GTF2IRD1: variants seen among roughly 807,000 people sequenced by gnomAD.
GTF2IRD1 encodes GTF2I repeat domain containing 1, also known as general transcription factor II-I repeat domain-containing protein 1.
A neutral mutation model predicts 113.2 loss-of-function variants in GTF2IRD1; 26 were observed. The ratio of observed to expected loss-of-function variants is 0.23; its 90% CI spans 0.17 to 0.32. The LOEUF (loss-of-function observed/expected upper bound fraction) is 0.32. GTF2IRD1 is among the 10% of genes least tolerant of loss of function. GTF2IRD1 has a pLI of 1.00. For missense variants in GTF2IRD1, 864 were observed against 1,280.8 expected (o/e 0.67, Z 4.97); for synonymous variants, 484 against 529.1 (o/e 0.91, Z 1.17).
At chr7:74,564,711 C>G (rs1554360120) in intron 22 of GTF2IRD1, among the ~76,000 whole-genome samples, 1 of 151,928 alleles carries the variant, frequency 6.6e-6, no homozygotes, top group East Asian at 1.9e-4. Context: ...AGCCATAATT[C>G]CAGTGTGTGT....
chr7:74,541,833 A>AAG (rs1798652997), intron 14 of GTF2IRD1, among the ~76,000 whole-genome samples: 1 of 152,100 alleles, frequency 6.6e-6, no homozygotes, highest in Non-Finnish European at 1.5e-5. Context: ...CCCAGGAGGC[A>AAG]GAGGTTGCAG....
At chr7:74,516,662 G>T (rs1225188276) in intron 4 of GTF2IRD1, among the ~76,000 whole-genome samples, 1 of 152,334 alleles carries the variant, frequency 6.6e-6, no homozygotes, top group South Asian at 2.1e-4. Context: ...AGAAGGAGGG[G>T]TACCCAGAGG....
At chr7:74,477,438 A>G (rs1794491172) in intron 1 of GTF2IRD1, among the ~76,000 whole-genome samples, 1 of 145,308 alleles carries the variant, frequency 6.9e-6, no homozygotes, top group African/African-American at 2.5e-5. Flanking sequence ...GGGTGACTGG[A>G]ATGGGGTGAC....
At position 74,551,235 on chromosome 7, in the gene GTF2IRD1, C is replaced by T. The variant is rs1489945394; in HGVS notation, c.1917-3939C>T. On this transcript the variant is annotated intron_variant, in intron 17 of 26. Transcript: ENST00000424337. ...GTGCACACCTGTAGTCCGAGCTCCT[C>T]GGGTGGCTGAGGCTCAAGAATCACT... Among the ~76,000 whole-genome samples, 5 of 152,126 alleles carry T rather than the reference C, an allele frequency of 3.3e-5. No homozygotes were observed. The South Asian group carries it at 6.2e-4, about 19-fold the overall frequency.
At chr7:74,549,062 G>C (rs1554354156) in intron 17 of GTF2IRD1, among the ~76,000 whole-genome samples, 1 of 151,952 alleles carries the variant, frequency 6.6e-6, no homozygotes, top group Non-Finnish European at 1.5e-5. Context: ...GGCCAAGGTA[G>C]GCAGATCACT....
rs1191271580 is a variant in GTF2IRD1 at position 74,555,106 on chromosome 7, G to C, written c.1917-68G>C. ...AGGGCTGTGTAGACTGAGGCCCAGAGAGGAGGGCTGAGCAGTCCCAGAGAT... is the reference window on the plus strand; with the variant it reads ...AGGGCTGTGTAGACTGAGGCCCAGACAGGAGGGCTGAGCAGTCCCAGAGAT... On this transcript the variant is annotated intron_variant, in intron 17 of 26. Coordinates refer to ENST00000424337, the MANE Select transcript of GTF2IRD1 (RefSeq NM_005685.4). The surrounding 1 kb of genome is among the most constrained non-coding windows in gnomAD (Gnocchi z 5.3). 1.1e-5 allele frequency: 16 copies of C among 1,431,080 alleles called. No homozygotes were observed. Among genetic ancestry groups the C allele is most frequent in the Non-Finnish European group, 1.6e-5 (16 of 1,025,714 alleles). The allele number at this position is 1,431,080 out of a possible 1,614,324, so 88.6% of individuals were successfully genotyped here.
At chr7:74,536,353 AC>A in intron 11 of GTF2IRD1, 78 bp downstream of exon 11, 1 of 856,006 alleles carries the variant, frequency 1.2e-6, no homozygotes, top group Non-Finnish European at 1.9e-6. Context: ...GCAAGGGGGT[AC>A]CCAGGGCGGC....
At chr7:74,557,767 C>G (rs1160877720) in intron 20 of GTF2IRD1, 45 bp downstream of exon 20, 44 of 1,225,584 alleles carry the variant, frequency 3.6e-5, no homozygotes, top group Non-Finnish European at 4.9e-5. Flanking sequence ...AGCTGCTGTG[C>G]ACAGAGAAGT....
At chr7:74,490,071 A>G (rs1429885921) in intron 1 of GTF2IRD1, among the ~76,000 whole-genome samples, 1 of 152,006 alleles carries the variant, frequency 6.6e-6, no homozygotes, top group Admixed American at 6.6e-5. Context: ...GTGTCAAGCT[A>G]TCCTCCTGCC....
chr7:74,502,656 G>A lies in GTF2IRD1; in HGVS notation c.-6-5419G>A, dbSNP rs1227792683. On this transcript the variant is annotated intron_variant, in intron 1 of 26. Coordinates refer to ENST00000424337, the MANE Select transcript of GTF2IRD1 (RefSeq NM_005685.4). ...CACTGATTCAGACGTGGCCACGAGTGCTTGGCTAATTTTTGGCTCAGGGTC... is the reference window on the plus strand; with the variant it reads ...CACTGATTCAGACGTGGCCACGAGTACTTGGCTAATTTTTGGCTCAGGGTC... 2.6e-5 allele frequency among the ~76,000 whole-genome samples: 4 copies of A among 152,236 alleles called. No individual in the cohort carries two copies. In the East Asian group the frequency reaches 7.7e-4, roughly 29 times the overall value.
chr7:74,569,545 T>C (rs1800561828), intron 22 of GTF2IRD1, among the ~76,000 whole-genome samples: 2 of 152,146 alleles, frequency 1.3e-5, no homozygotes, highest in African/African-American at 4.8e-5. Flanking sequence ...GCTAGTAACT[T>C]GAGCTTTATT....
At chr7:74,530,843 G>A (rs1463067285) in intron 9 of GTF2IRD1, among the ~76,000 whole-genome samples, 3 of 152,096 alleles carry the variant, frequency 2.0e-5, no homozygotes, top group Admixed American at 1.3e-4. Context: ...ACCACTCTGT[G>A]CCTCATTTAC....
chr7:74,460,047 C>A (rs1481912975), intron 1 of GTF2IRD1, among the ~76,000 whole-genome samples: 2 of 151,842 alleles, frequency 1.3e-5, no homozygotes, highest in Non-Finnish European at 2.9e-5. Flanking sequence ...ACAATCTCGG[C>A]TCACTGCAGC....
chr7:74,522,706 A>G (rs765703501), intron 7 of GTF2IRD1, among the ~76,000 whole-genome samples: 1 of 152,218 alleles, frequency 6.6e-6, no homozygotes, highest in Non-Finnish European at 1.5e-5. Context: ...GGCCAGGGAC[A>G]CAAGCTGGGA....
chr7:74,556,406 C>T lies in GTF2IRD1; in HGVS notation c.2023+912C>T, dbSNP rs587741479. Reference sequence around the variant, plus strand: ...CGTGATCTCAGCCCACTGCAACCTCCGCTTCCCGGGTTCAAGCAATTCTCC... The same window carrying T: ...CGTGATCTCAGCCCACTGCAACCTCTGCTTCCCGGGTTCAAGCAATTCTCC... On this transcript the variant is annotated intron_variant, in intron 19 of 26. Coordinates refer to ENST00000424337, the MANE Select transcript of GTF2IRD1 (RefSeq NM_005685.4). 1.4e-4 allele frequency among the ~76,000 whole-genome samples: 22 copies of T among 151,772 alleles called. No homozygotes were observed. The East Asian group carries it at 3.6e-3, about 25-fold the overall frequency.
Position 74,547,143 on chromosome 7 carries a change from C to T in GTF2IRD1, c.1773C>T (p.Tyr591=). 6.2e-7 allele frequency: 1 copy of T among 1,613,608 alleles called. No homozygotes were observed. The highest frequency in any genetic ancestry group is 8.5e-7 in the Non-Finnish European group (1 of 1,179,818). ...TCTCGGAGCCCGTCAAGGTGCCGTACTCCAAGTTTCTGATGCACCCGGAGG... is the reference window on the plus strand; with the variant it reads ...TCTCGGAGCCCGTCAAGGTGCCGTATTCCAAGTTTCTGATGCACCCGGAGG... ...IGISEPVKVP[Y]SKFLMHPEEL... is the part of the protein sequence containing the mutation. The change falls in exon 17 of 27, where the codon TAC becomes TAT. Residue 591 remains tyrosine, a synonymous_variant. Coordinates refer to ENST00000424337, the MANE Select transcript of GTF2IRD1 (RefSeq NM_005685.4).
At chr7:74,554,406 A>G (rs1319825819) in intron 17 of GTF2IRD1, among the ~76,000 whole-genome samples, 1 of 152,202 alleles carries the variant, frequency 6.6e-6, no homozygotes, top group Non-Finnish European at 1.5e-5. Flanking sequence ...AGACATTAGC[A>G]TAATACAGAG....
intron 1 of GTF2IRD1, among the ~76,000 whole-genome samples, chr7:74,501,629 G>A (rs1584535092): frequency 6.6e-6 from 1 of 152,166 alleles, no homozygotes; most frequent in East Asian, 1.9e-4. Flanking sequence ...GATGGGGGAG[G>A]GGAGTTTGTT....
rs587705657 is a variant in GTF2IRD1, at chr7:74,521,249, G to A, written c.958G>A (p.Val320Ile). Reference protein sequence around the residue: ...TGPGGPLIQNVHASKRILFSI... With the variant: ...TGPGGPLIQNIHASKRILFSI... The stretch of plus-strand genomic sequence containing the variant: ...GCCTGGTGGGCCTCTCATCCAGAAC[G>A]TCCATGCCTCCAAGCGCATTCTCTT... The change falls in exon 7 of 27, where the codon GTC (valine) becomes ATC (isoleucine). Residue 320 changes from valine (V) to isoleucine (I), a missense_variant. This residue lies in a region of GTF2IRD1 where 195 missense variants were observed against 196.6 expected (regional missense o/e 0.99). Coordinates refer to ENST00000424337, the MANE Select transcript of GTF2IRD1 (RefSeq NM_005685.4). 1.5e-5 allele frequency: 24 copies of A among 1,612,040 alleles called. No homozygotes were observed. Among genetic ancestry groups the A allele is most frequent in the African/African-American group, 8.0e-5 (6 of 74,974 alleles).
Sources: gnomAD v4.1 joint callset for allele counts (sites outside exome capture counted in the v4.1 genomes callset) on GRCh38, gnomAD v4.1.1 for gene constraint, gnomAD v4.1.1 regional missense constraint, Gnocchi (gnomAD v3.1) non-coding constraint, MANE v1.5 for transcripts, NCBI Gene and HGNC (gene_info 2026-07-23, HGNC 2026-07-21) for gene names.